Variants in DISC1 observed in about 807,000 individuals in gnomAD.
DISC1 encodes the protein disrupted in schizophrenia 1 protein.
A neutral mutation model predicts 84.5 loss-of-function variants in DISC1; 57 were observed. The ratio of observed to expected loss-of-function variants is 0.67; its 90% CI spans 0.55 to 0.84. The LOEUF (loss-of-function observed/expected upper bound fraction) is 0.84, where lower values mean the gene tolerates loss of function less well. Among genes scored for constraint, DISC1 ranks in the 40% least tolerant of loss-of-function variants. The pLI, the probability that DISC1 is intolerant of heterozygous loss-of-function variation, is 0.00. For synonymous variants in DISC1, 411 were observed against 415.2 expected, an observed-to-expected ratio of 0.99 and a Z score of 0.12; for missense variants, 1,000 against 1,057.8, an observed-to-expected ratio of 0.95 and a Z score of 0.76.
chr1:231,868,695 TA>T (rs2085233181), intron 9 of DISC1, among the ~76,000 whole-genome samples: 2 of 1,946 alleles, frequency 1.0e-3, no homozygotes, highest in Non-Finnish European at 1.6e-3. Context: ...CCATCTCTTA[TA>T]TATATATATA....
intron 9 of DISC1, among the ~76,000 whole-genome samples, chr1:231,873,520 G>T (rs78688288): frequency 9.2e-5 from 14 of 152,320 alleles, no homozygotes; most frequent in South Asian, 6.2e-4. Context: ...AGTGAATAGA[G>T]TACTTATAAA....
chr1:231,727,551 G>A (rs1381506359), intron 3 of DISC1, among the ~76,000 whole-genome samples: 1 of 152,136 alleles, frequency 6.6e-6, no homozygotes, highest in Non-Finnish European at 1.5e-5. Flanking sequence ...GGGACTCACT[G>A]AATATAGGCT....
chr1:231,722,395 C>T, intron 3 of DISC1: 5 of 1,354,288 alleles, frequency 3.7e-6, no homozygotes, highest in Non-Finnish European at 4.1e-6. Context: ...CTGGACTGCT[C>T]TATGAAATAG....
intron 6 of DISC1, among the ~76,000 whole-genome samples, chr1:231,781,803 T>C (rs962568310): frequency 6.6e-6 from 1 of 152,254 alleles, no homozygotes; most frequent in African/African-American, 2.4e-5. Flanking sequence ...CTTCAGACCT[T>C]GAGCTGAAAC....
At chr1:231,882,873 T>C (rs1229376610) in intron 9 of DISC1, among the ~76,000 whole-genome samples, 2 of 151,962 alleles carry the variant, frequency 1.3e-5, no homozygotes, top group African/African-American at 4.8e-5. Flanking sequence ...GATGGGCCTG[T>C]AGGGATGTCT....
At chr1:231,737,536 T>C (rs1037205899) in intron 3 of DISC1, among the ~76,000 whole-genome samples, 1 of 152,198 alleles carries the variant, frequency 6.6e-6, no homozygotes, top group Admixed American at 6.5e-5. Flanking sequence ...AGGTGAGTTA[T>C]GTTTTTTTTG....
At chr1:231,726,665 G>A (rs1357446207) in intron 3 of DISC1, among the ~76,000 whole-genome samples, 3 of 152,206 alleles carry the variant, frequency 2.0e-5, no homozygotes, top group African/African-American at 7.2e-5. Context: ...ACAGGGGCCA[G>A]TTCTTATAAA....
chr1:231,907,681 T>C (rs1025626103), intron 9 of DISC1, among the ~76,000 whole-genome samples: 1 of 152,204 alleles, frequency 6.6e-6, no homozygotes, highest in Non-Finnish European at 1.5e-5. Flanking sequence ...ATCCTTTGGG[T>C]ATATACCCAG....
intron 10 of DISC1, among the ~76,000 whole-genome samples, chr1:231,976,479 G>A (rs143775248): frequency 2.2e-4 from 34 of 152,248 alleles, no homozygotes; most frequent in African/African-American, 8.2e-4. Flanking sequence ...ACAGAAAAAG[G>A]AAGATCTCTT....
intron 3 of DISC1, chr1:231,723,625 T>G (rs2070197858): frequency 1.0e-6 from 1 of 985,362 alleles, no homozygotes; most frequent in East Asian, 1.1e-4. Flanking sequence ...TATAACAGTC[T>G]GCTCTGGTGA....
Position 231,771,050 on chromosome 1 carries a change from G to A in DISC1, c.1614G>A (p.Glu538=), listed in dbSNP as rs779446123. ...ASAGQIPFHA[E]PPETIRSLQE... ...CCGGTCAGATTCCCTTCCATGCAGA[G>A]CCACCGGAAACCATAAGGAGGTACT... Residue 538 remains glutamate (E), a synonymous_variant, in exon 6 of 13, where the codon GAG becomes GAA. Transcript: ENST00000439617. 5.0e-6 allele frequency: 8 copies of A among 1,605,436 alleles called. No individual in the cohort carries two copies. The highest frequency in any genetic ancestry group is 1.7e-6 in the Non-Finnish European group (2 of 1,175,474).
chr1:231,890,176 G>T (rs1431712446), intron 9 of DISC1, among the ~76,000 whole-genome samples: 1 of 152,150 alleles, frequency 6.6e-6, no homozygotes, highest in Non-Finnish European at 1.5e-5. Flanking sequence ...CTGCTCTGCT[G>T]CACAGAGCTT....
At chr1:231,886,801 T>TTCTTTC (rs1419018442) in intron 9 of DISC1, among the ~76,000 whole-genome samples, 6 of 143,604 alleles carry the variant, frequency 4.2e-5, no homozygotes, top group Non-Finnish European at 7.5e-5. Flanking sequence ...CTTTCTTTCT[T>TTCTTTC]TCTTTCTTTC....
chr1:231,750,042 G>A lies in DISC1; in HGVS notation c.1234G>A (p.Val412Ile). 1.2e-6 allele frequency: 2 copies of A among 1,614,200 alleles called. No homozygotes were observed. The highest frequency in any genetic ancestry group is 1.7e-6 in the Non-Finnish European group (2 of 1,180,020). ...TTTCCTGGGTCACCTGGCAGCACAA[G>A]TCCAGGCTGCCTTGCGCCGTGGGGC... Reference protein sequence around the residue: ...SSFLGHLAAQVQAALRRGATQ... With the variant: ...SSFLGHLAAQIQAALRRGATQ... Residue 412 changes from valine to isoleucine, a missense_variant, in exon 4 of 13, where the codon GTC becomes ATC. Coordinates refer to ENST00000439617, the MANE Select transcript of DISC1 (RefSeq NM_018662.3).
chr1:231,870,502 C>T (rs937679361), intron 9 of DISC1, among the ~76,000 whole-genome samples: 7 of 152,320 alleles, frequency 4.6e-5, no homozygotes, highest in South Asian at 2.1e-4. Context: ...CTGAGCGGCC[C>T]GAGCTGTCTG....
intron 9 of DISC1, among the ~76,000 whole-genome samples, chr1:231,890,069 C>T (rs2087086183): frequency 6.6e-6 from 1 of 152,144 alleles, no homozygotes; most frequent in African/African-American, 2.4e-5. Flanking sequence ...TCCTAGACTC[C>T]AGAATGTGCT....
intron 9 of DISC1, among the ~76,000 whole-genome samples, chr1:231,925,136 C>T (rs991963852): frequency 6.6e-6 from 1 of 152,044 alleles, no homozygotes; most frequent in Non-Finnish European, 1.5e-5. Context: ...CTTTTGGCTG[C>T]TCCCCTATCC....
chr1:231,832,159 A>ATGG (rs199504255), intron 9 of DISC1, among the ~76,000 whole-genome samples: 128,336 of 150,162 alleles, frequency 0.85, 54,911 homozygotes, highest in Non-Finnish European at 0.88. Flanking sequence ...TGAAGGAGCC[A>ATGG]GGGAGCAGAA....
chr1:231,926,709 A>G (rs551982302), intron 9 of DISC1, among the ~76,000 whole-genome samples: 1 of 152,354 alleles, frequency 6.6e-6, no homozygotes, highest in Non-Finnish European at 1.5e-5. Flanking sequence ...AAGCAATAGA[A>G]GACAAGCTCA....
Sources: gnomAD v4.1 joint callset for allele counts (sites outside exome capture counted in the v4.1 genomes callset) on GRCh38, gnomAD v4.1.1 for gene constraint, MANE v1.5 for transcripts, NCBI Gene and HGNC (gene_info 2026-07-23, HGNC 2026-07-21) for gene names.